SNTG1: variants seen among roughly 807,000 people sequenced by gnomAD.
SNTG1 encodes syntrophin gamma 1, also known as gamma-1-syntrophin.
In SNTG1, 39 loss-of-function variants were observed where a neutral mutation model predicts 74.7. That is an observed-to-expected ratio of 0.52 (90% CI 0.40 to 0.68). SNTG1 has a LOEUF of 0.68. SNTG1 is among the 30% of genes least tolerant of loss of function. The pLI is 0.00. For synonymous variants in SNTG1, 254 were observed against 217.1 expected, an observed-to-expected ratio of 1.17 and a Z score of -1.49; for missense variants, 685 against 609.5, an observed-to-expected ratio of 1.12 and a Z score of -1.30.
chr8:50,326,896 T>C (rs1225688717), intron 2 of SNTG1, among the ~76,000 whole-genome samples: 1 of 152,146 alleles, frequency 6.6e-6, no homozygotes, highest in Non-Finnish European at 1.5e-5. Flanking sequence ...TTTTTATTTT[T>C]ATTTACTTTG....
chr8:49,999,057 T>A (rs944210067), intron 1 of SNTG1, among the ~76,000 whole-genome samples: 54 of 152,260 alleles, frequency 3.5e-4, no homozygotes, highest in African/African-American at 1.3e-3. Flanking sequence ...TTCAACTCCT[T>A]TATAATCTTA....
chr8:50,508,326 G>C (rs1051036819), intron 9 of SNTG1, among the ~76,000 whole-genome samples: 17 of 152,102 alleles, frequency 1.1e-4, no homozygotes, highest in African/African-American at 3.9e-4. Flanking sequence ...ATCATTGTTG[G>C]ATATTTGGCT....
chr8:50,195,629 C>T (rs1006634035), intron 2 of SNTG1, among the ~76,000 whole-genome samples: 1 of 152,188 alleles, frequency 6.6e-6, no homozygotes, highest in African/African-American at 2.4e-5. Flanking sequence ...GCTTCTTCCT[C>T]TACCCCTGTA....
At chr8:50,675,572 C>A (rs935783788) in intron 15 of SNTG1, among the ~76,000 whole-genome samples, 4 of 151,938 alleles carry the variant, frequency 2.6e-5, no homozygotes, top group African/African-American at 9.7e-5. Flanking sequence ...AGATGGTTCT[C>A]CTGAATACAG....
chr8:50,422,451 T>C (rs567225454), intron 4 of SNTG1, among the ~76,000 whole-genome samples: 7 of 152,264 alleles, frequency 4.6e-5, no homozygotes, highest in African/African-American at 1.7e-4. Context: ...TGTAACTGTA[T>C]GAGGGGTACT....
At chr8:50,239,548 C>G (rs182344509) in intron 2 of SNTG1, among the ~76,000 whole-genome samples, 20 of 152,158 alleles carry the variant, frequency 1.3e-4, no homozygotes, top group African/African-American at 4.8e-4. Flanking sequence ...AATCCAATTA[C>G]TCAGTTGTAA....
At chr8:50,668,554 G>A (rs1439481389) in intron 15 of SNTG1, among the ~76,000 whole-genome samples, 2 of 149,576 alleles carry the variant, frequency 1.3e-5, no homozygotes, top group Admixed American at 6.7e-5. Context: ...TAAGTTCTGG[G>A]ATACATGTGC....
intron 17 of SNTG1, among the ~76,000 whole-genome samples, chr8:50,727,939 A>C (rs542839175): frequency 6.6e-6 from 1 of 152,266 alleles, no homozygotes; most frequent in African/African-American, 2.4e-5. Context: ...GTGACTCCTT[A>C]AACTGTTTAC....
At chr8:50,382,872 C>A (rs2092512442) in intron 2 of SNTG1, among the ~76,000 whole-genome samples, 1 of 152,108 alleles carries the variant, frequency 6.6e-6, no homozygotes, top group Admixed American at 6.6e-5. Context: ...GTAGGGTAGG[C>A]TGGCAGAATG....
At chr8:50,062,147 G>A (rs1172408480) in intron 1 of SNTG1, among the ~76,000 whole-genome samples, 2 of 152,094 alleles carry the variant, frequency 1.3e-5, no homozygotes, top group African/African-American at 2.4e-5. Flanking sequence ...GGGTTCAAGC[G>A]ATTCTCCTGC....
chr8:50,621,688 C>T (rs1032188584), intron 13 of SNTG1, among the ~76,000 whole-genome samples: 6 of 152,124 alleles, frequency 3.9e-5, no homozygotes, highest in African/African-American at 1.2e-4. Flanking sequence ...ATGCATTATC[C>T]TGACAAGTCT....
At chr8:50,068,456 C>T (rs747416364) in intron 1 of SNTG1, among the ~76,000 whole-genome samples, 2 of 152,126 alleles carry the variant, frequency 1.3e-5, no homozygotes, top group Non-Finnish European at 2.9e-5. Flanking sequence ...CATTTGCTGT[C>T]GTCTTTGTTT....
At chr8:49,921,384 C>T (rs1172163850) in intron 1 of SNTG1, among the ~76,000 whole-genome samples, 1 of 151,944 alleles carries the variant, frequency 6.6e-6, no homozygotes, top group Non-Finnish European at 1.5e-5. Context: ...AAGCAGATCA[C>T]AGGGCATCCT....
At chr8:50,092,333 C>T (rs2079770812) in intron 1 of SNTG1, among the ~76,000 whole-genome samples, 1 of 152,124 alleles carries the variant, frequency 6.6e-6, no homozygotes, top group African/African-American at 2.4e-5. Context: ...TTTTGAGAGC[C>T]ACTGAGGCAG....
intron 2 of SNTG1, among the ~76,000 whole-genome samples, chr8:50,339,163 AT>A (rs1359514530): frequency 6.6e-6 from 1 of 152,104 alleles, no homozygotes; most frequent in Non-Finnish European, 1.5e-5. Context: ...TGAAAATTTC[AT>A]TAAAAAACAC....
chr8:50,565,200 T>C (rs1216673684), intron 12 of SNTG1, among the ~76,000 whole-genome samples: 4 of 151,922 alleles, frequency 2.6e-5, no homozygotes, highest in Non-Finnish European at 5.9e-5. Context: ...AAAATTAAAC[T>C]GTTATAACCT....
chr8:50,528,161 T>C (rs2094237615), intron 9 of SNTG1, among the ~76,000 whole-genome samples: 1 of 151,980 alleles, frequency 6.6e-6, no homozygotes, highest in African/African-American at 2.4e-5. Context: ...TGGCTAAGAC[T>C]TCCATTTTTA....
In SNTG1 at chr8:50,314,030, T is replaced by A. The variant is rs545956556; in HGVS notation, c.-27-80182T>A. ...ATATCTTTTAATTTTCCCCATGCTATCTTTTCAATCTTAGTTTCTCCATTT... is the reference window on the plus strand; with the variant it reads ...ATATCTTTTAATTTTCCCCATGCTAACTTTTCAATCTTAGTTTCTCCATTT... On this transcript the variant is annotated intron_variant, in intron 2 of 18. Coordinates refer to ENST00000642720, the MANE Select transcript of SNTG1 (RefSeq NM_018967.5). 1.7e-4 allele frequency among the ~76,000 whole-genome samples: 25 copies of A among 149,792 alleles called. 5 individuals carry two copies. Among genetic ancestry groups the A allele is most frequent in the African/African-American group, 6.0e-4 (24 of 40,212 alleles).
chr8:50,446,315 C>A (rs2093406944), intron 5 of SNTG1, among the ~76,000 whole-genome samples: 1 of 148,554 alleles, frequency 6.7e-6, no homozygotes, highest in Non-Finnish European at 1.5e-5. Context: ...TCAGTAATTA[C>A]TGAAGTCATT....
Sources: allele counts gnomAD v4.1 joint callset (sites outside exome capture counted in the v4.1 genomes callset), GRCh38; gene constraint gnomAD v4.1.1; transcripts MANE v1.5; gene names NCBI Gene and HGNC (gene_info 2026-07-23, HGNC 2026-07-21).